Variants in TMEM117 observed in about 807,000 individuals in gnomAD.
The protein encoded by TMEM117 is transmembrane protein 117.
TMEM117 carries 27 observed loss-of-function variants against 52.4 expected under a neutral mutation model. The observed-to-expected ratio is 0.51, with a 90% CI of 0.38 to 0.71. The LOEUF (loss-of-function observed/expected upper bound fraction) is 0.71, where lower values mean the gene tolerates loss of function less well. TMEM117 is among the 30% of genes least tolerant of loss of function. TMEM117 has a pLI of 0.00. For missense variants in TMEM117, 556 were observed against 630.5 expected (o/e 0.88, Z 1.26); for synonymous variants, 215 against 206.3 (o/e 1.04, Z -0.36).
intron 4 of TMEM117, among the ~76,000 whole-genome samples, chr12:44,145,174 G>T (rs1948626245): frequency 6.6e-6 from 1 of 152,116 alleles, no homozygotes; most frequent in African/African-American, 2.4e-5. Context: ...AAATAAAAAA[G>T]AAAAATTTCT....
At chr12:43,950,349 A>T (rs1361185478) in intron 3 of TMEM117, among the ~76,000 whole-genome samples, 5 of 152,196 alleles carry the variant, frequency 3.3e-5, no homozygotes, top group African/African-American at 1.2e-4. Flanking sequence ...AAAATAACAC[A>T]AGCTGTTGAT....
chr12:44,000,196 G>C (rs1174158095), intron 3 of TMEM117, among the ~76,000 whole-genome samples: 1 of 152,202 alleles, frequency 6.6e-6, no homozygotes, highest in Admixed American at 6.5e-5. Context: ...ACCCGGGTAA[G>C]TTCAGGGAAG....
At chr12:44,354,573 G>A (rs1360178070) in intron 6 of TMEM117, among the ~76,000 whole-genome samples, 1 of 151,864 alleles carries the variant, frequency 6.6e-6, no homozygotes, top group Non-Finnish European at 1.5e-5. Flanking sequence ...AAAACCACAT[G>A]ATTATCTCAA....
rs11182360 is a variant in TMEM117, at chr12:43,972,936, C to A, written c.410+28594C>A. On this transcript the variant is annotated intron_variant, in intron 3 of 7. Coordinates refer to ENST00000266534, the MANE Select transcript of TMEM117 (RefSeq NM_032256.3). ...TGACCAAGAGCATGCTTCTGTGATT[C>A]AAATGTACAAAGAGTTAAGTATCCC... Among the ~76,000 whole-genome samples, 211 of 152,254 alleles carry A rather than the reference C, an allele frequency of 1.4e-3. 3 individuals are homozygous for A. The East Asian group carries it at 0.024, about 17-fold the overall frequency.
At chr12:43,944,742 G>A (rs1299301383) in intron 3 of TMEM117, among the ~76,000 whole-genome samples, 2 of 152,154 alleles carry the variant, frequency 1.3e-5, no homozygotes, top group African/African-American at 4.8e-5. Flanking sequence ...CTAAATAAAA[G>A]TGGTACAGGA....
At chr12:43,942,808 G>A (rs914525856) in intron 2 of TMEM117, among the ~76,000 whole-genome samples, 16 of 152,226 alleles carry the variant, frequency 1.1e-4, no homozygotes, top group African/African-American at 3.6e-4. Flanking sequence ...TGTCGCTAGA[G>A]AGATAATTTC....
Position 43,906,881 on chromosome 12 carries a change from T to C in TMEM117, c.278-37329T>C, listed in dbSNP as rs1240682785. Among the ~76,000 whole-genome samples the C allele has an allele frequency of 2.6e-5, 4 of 152,270 alleles. No individual in the cohort carries two copies. The East Asian group carries it at 7.7e-4, about 29-fold the overall frequency. On this transcript the variant is annotated intron_variant, in intron 2 of 7. Transcript: ENST00000266534. ...GTCTCGCTGATTGCTAGCACAGCAGTCTGAGATCAAACTGCAAGGCGGCAG... is the reference window on the plus strand; with the variant it reads ...GTCTCGCTGATTGCTAGCACAGCAGCCTGAGATCAAACTGCAAGGCGGCAG...
chr12:43,931,570 A>C (rs1447964408), intron 2 of TMEM117, among the ~76,000 whole-genome samples: 2 of 152,218 alleles, frequency 1.3e-5, no homozygotes, highest in Non-Finnish European at 2.9e-5. Context: ...GCCCGTGTGT[A>C]AATTGAGACA....
At chr12:44,370,814 C>T (rs1951854787) in intron 6 of TMEM117, among the ~76,000 whole-genome samples, 1 of 152,000 alleles carries the variant, frequency 6.6e-6, no homozygotes, top group South Asian at 2.1e-4. Context: ...TGTTATATAT[C>T]TTTAACCTTC....
the TMEM117 span, among the ~76,000 whole-genome samples, chr12:43,821,406 A>G: frequency 3.3e-5 from 5 of 152,130 alleles, no homozygotes; most frequent in Admixed American, 3.3e-4. Flanking sequence ...TCAGCTTCAC[A>G]AGTAGCTGGG....
intron 3 of TMEM117, among the ~76,000 whole-genome samples, chr12:44,046,200 G>T (rs1946878616): frequency 6.6e-6 from 1 of 152,152 alleles, no homozygotes; most frequent in South Asian, 2.1e-4. Context: ...ATTCTGCTGG[G>T]CTAGAGGTCT....
At chr12:44,084,037 T>G (rs1947527379) in intron 3 of TMEM117, among the ~76,000 whole-genome samples, 1 of 152,202 alleles carries the variant, frequency 6.6e-6, no homozygotes, top group Non-Finnish European at 1.5e-5. Flanking sequence ...TACGTTTTAT[T>G]TATTGAAATG....
At chr12:44,161,204 T>G (rs1320152785) in intron 4 of TMEM117, among the ~76,000 whole-genome samples, 1 of 152,176 alleles carries the variant, frequency 6.6e-6, no homozygotes, top group African/African-American at 2.4e-5. Context: ...TATAATTGTG[T>G]TTTGATGAAA....
intron 3 of TMEM117, among the ~76,000 whole-genome samples, chr12:44,097,365 G>C (rs1346515743): frequency 2.6e-5 from 4 of 151,986 alleles, no homozygotes; most frequent in Admixed American, 6.6e-5. Flanking sequence ...CCGTTACTGG[G>C]TATATACCCA....
chr12:43,820,600 A>G, the TMEM117 span, among the ~76,000 whole-genome samples: 5 of 131,124 alleles, frequency 3.8e-5, no homozygotes, highest in African/African-American at 1.5e-4. Flanking sequence ...TTTTTTTTTT[A>G]TAGAATCAAT....
chr12:44,396,672 G>A, the TMEM117 span, among the ~76,000 whole-genome samples: 2 of 152,102 alleles, frequency 1.3e-5, no homozygotes, highest in African/African-American at 2.4e-5. Flanking sequence ...TAGCCAACAT[G>A]GTGAAACTCT....
intron 4 of TMEM117, among the ~76,000 whole-genome samples, chr12:44,200,832 C>T (rs1362793307): frequency 6.6e-6 from 1 of 152,128 alleles, no homozygotes; most frequent in Non-Finnish European, 1.5e-5. Flanking sequence ...TGGCACAATG[C>T]GGGTAGAGTG....
intron 3 of TMEM117, among the ~76,000 whole-genome samples, chr12:43,967,909 A>G (rs11182354): frequency 0.05 from 7,670 of 152,320 alleles, 235 homozygotes; most frequent in Non-Finnish European, 0.071. Context: ...ACGCACACAT[A>G]CACAGAATGG....
chr12:44,317,469 A>G (rs796299065), intron 6 of TMEM117, among the ~76,000 whole-genome samples: 6 of 152,072 alleles, frequency 3.9e-5, no homozygotes, highest in African/African-American at 1.4e-4. Context: ...ATCTCAGCTT[A>G]CTGAAACCTC....
Sources: gnomAD v4.1 joint callset for allele counts (sites outside exome capture counted in the v4.1 genomes callset) on GRCh38, gnomAD v4.1.1 for gene constraint, MANE v1.5 for transcripts, NCBI Gene and HGNC (gene_info 2026-07-23, HGNC 2026-07-21) for gene names.